Variants in RABGAP1L observed in about 807,000 individuals in gnomAD.
The protein encoded by RABGAP1L is RAB GTPase activating protein 1 like.
In RABGAP1L, 63 loss-of-function variants were observed where a neutral mutation model predicts 137.7. The observed-to-expected ratio is 0.46, with a 90% CI of 0.37 to 0.56. The LOEUF is 0.56. RABGAP1L is among the 20% of genes least tolerant of loss of function. The probability of loss-of-function intolerance (pLI) is 0.00; values close to 1 mark genes in which losing one functional copy is unlikely to be tolerated. For missense variants in RABGAP1L, 1,095 were observed against 1,244.0 expected, an observed-to-expected ratio of 0.88 and a Z score of 1.80; for synonymous variants, 431 against 433.7, an observed-to-expected ratio of 0.99 and a Z score of 0.08.
chr1:174,881,432 G>T (rs1375792772), intron 19 of RABGAP1L, among the ~76,000 whole-genome samples: 1 of 147,128 alleles, frequency 6.8e-6, no homozygotes. Flanking sequence ...TAATATTTGG[G>T]TTTGGTTCAT....
chr1:174,491,129 C>T (rs1052793731), intron 13 of RABGAP1L, among the ~76,000 whole-genome samples: 3 of 151,764 alleles, frequency 2.0e-5, no homozygotes, highest in Non-Finnish European at 1.5e-5. Context: ...CTGCTTTCTT[C>T]GAGTAGATGG....
intron 19 of RABGAP1L, among the ~76,000 whole-genome samples, chr1:174,912,780 A>G (rs1395825082): frequency 6.6e-6 from 1 of 152,214 alleles, no homozygotes; most frequent in Non-Finnish European, 1.5e-5. Flanking sequence ...TGCCATTTTA[A>G]TAGTATCAGC....
intron 13 of RABGAP1L, among the ~76,000 whole-genome samples, chr1:174,535,665 C>T (rs981250704): frequency 5.3e-5 from 8 of 152,116 alleles, no homozygotes; most frequent in African/African-American, 1.9e-4. Context: ...GTCATGCTTT[C>T]ATAGTTTAGG....
chr1:174,949,413 A>G (rs1039158188), intron 19 of RABGAP1L, among the ~76,000 whole-genome samples: 1 of 152,220 alleles, frequency 6.6e-6, no homozygotes, highest in Non-Finnish European at 1.5e-5. Context: ...AAAGAAAAAC[A>G]AGATAGATAT....
At chr1:174,454,903 A>T (rs1275932271) in intron 13 of RABGAP1L, among the ~76,000 whole-genome samples, 1 of 151,938 alleles carries the variant, frequency 6.6e-6, no homozygotes, top group African/African-American at 2.4e-5. Flanking sequence ...CATTTTTCAC[A>T]CCTTTAAACA....
Position 174,563,434 on chromosome 1 carries a change from C to T in RABGAP1L, c.1711-73941C>T, listed in dbSNP as rs548823708. Among the ~76,000 whole-genome samples, 4 of 152,286 alleles carry T rather than the reference C, an allele frequency of 2.6e-5. No individual in the cohort carries two copies. The South Asian group carries it at 8.3e-4, about 32-fold the overall frequency. On this transcript the variant is annotated intron_variant, in intron 13 of 25. Coordinates refer to ENST00000681986, the MANE Select transcript of RABGAP1L (RefSeq NM_001366446.1). The stretch of plus-strand genomic sequence containing the variant: ...CAGACTGCTTTGGTTCAAATCCTGG[C>T]TCTACTTTTCTGTCATCTAAGGCAA...
chr1:174,654,284 A>G (rs1478848198), intron 14 of RABGAP1L, among the ~76,000 whole-genome samples: 1 of 152,188 alleles, frequency 6.6e-6, no homozygotes, highest in Non-Finnish European at 1.5e-5. Flanking sequence ...CATAGCAGTC[A>G]GTTGGGCCCT....
chr1:174,454,888 T>G (rs1655874758), intron 13 of RABGAP1L, among the ~76,000 whole-genome samples: 1 of 152,142 alleles, frequency 6.6e-6, no homozygotes, highest in Non-Finnish European at 1.5e-5. Flanking sequence ...CATGGCACCT[T>G]TCTGCATTTT....
At chr1:174,796,363 T>C (rs1393827034) in intron 18 of RABGAP1L, among the ~76,000 whole-genome samples, 3 of 152,122 alleles carry the variant, frequency 2.0e-5, no homozygotes, top group Non-Finnish European at 2.9e-5. Context: ...ATAAAAAAAG[T>C]ATTTGGGATT....
intron 19 of RABGAP1L, among the ~76,000 whole-genome samples, chr1:174,879,333 T>A (rs1653755344): frequency 6.6e-6 from 1 of 152,040 alleles, no homozygotes; most frequent in African/African-American, 2.4e-5. Flanking sequence ...CTCTTGATCT[T>A]GTGATCTACC....
At chr1:174,826,173 C>T (rs1691544642) in intron 19 of RABGAP1L, among the ~76,000 whole-genome samples, 1 of 152,158 alleles carries the variant, frequency 6.6e-6, no homozygotes, top group African/African-American at 2.4e-5. Flanking sequence ...CATTAGTTTG[C>T]TTAGGATAAT....
chr1:174,280,040 G>C (rs1363754881), intron 10 of RABGAP1L, among the ~76,000 whole-genome samples: 1 of 135,900 alleles, frequency 7.4e-6, no homozygotes, highest in African/African-American at 3.0e-5. Context: ...TTGACTGTCT[G>C]TCTGCCTGGA....
chr1:174,662,121 T>TTTTTTTTTTTTG (rs59243192), intron 14 of RABGAP1L, among the ~76,000 whole-genome samples: 6 of 135,224 alleles, frequency 4.4e-5, no homozygotes, highest in Admixed American at 7.5e-5. Flanking sequence ...TTTTTTTTTT[T>TTTTTTTTTTTTG]GAGTTGGAGT....
chr1:174,233,563 A>G (rs1382757255), intron 4 of RABGAP1L, among the ~76,000 whole-genome samples: 2 of 142,832 alleles, frequency 1.4e-5, no homozygotes, highest in Admixed American at 6.7e-5. Context: ...ATGATTTCCA[A>G]TTTCATCCAT....
intron 11 of RABGAP1L, among the ~76,000 whole-genome samples, chr1:174,364,502 C>T (rs1352859769): frequency 3.3e-5 from 5 of 151,936 alleles, no homozygotes; most frequent in African/African-American, 9.7e-5. Flanking sequence ...GATCCACCCG[C>T]CTCGGCCTCC....
At chr1:174,187,715 C>T (rs190908127) in intron 1 of RABGAP1L, among the ~76,000 whole-genome samples, 6 of 152,114 alleles carry the variant, frequency 3.9e-5, no homozygotes, top group Admixed American at 2.6e-4. Flanking sequence ...ATTTATTTTT[C>T]GTTCACTATC....
chr1:174,832,244 G>A (rs1001480243), intron 19 of RABGAP1L, among the ~76,000 whole-genome samples: 4 of 146,416 alleles, frequency 2.7e-5, no homozygotes, highest in Non-Finnish European at 6.1e-5. Flanking sequence ...AGTGAGCCGA[G>A]ATCGTGCCAC....
intron 13 of RABGAP1L, chr1:174,447,975 C>T (rs1654979194): frequency 3.6e-6 from 2 of 549,326 alleles, no homozygotes; most frequent in Non-Finnish European, 6.3e-6. Context: ...CTCTCTGGGA[C>T]TCTCAGCTGT....
intron 13 of RABGAP1L, among the ~76,000 whole-genome samples, chr1:174,536,417 G>A (rs986904578): frequency 3.3e-5 from 5 of 151,996 alleles, no homozygotes; most frequent in African/African-American, 1.2e-4. Flanking sequence ...GGAGAGAGAG[G>A]AGAGAAATGT....
Sources: gnomAD v4.1 joint callset for allele counts (sites outside exome capture counted in the v4.1 genomes callset) on GRCh38, gnomAD v4.1.1 for gene constraint, MANE v1.5 for transcripts, NCBI Gene and HGNC (gene_info 2026-07-23, HGNC 2026-07-21) for gene names.